LDLRAD3: variants seen among roughly 807,000 people sequenced by gnomAD.
LDLRAD3 encodes the protein low-density lipoprotein receptor class A domain-containing protein 3.
In LDLRAD3, 20 loss-of-function variants were observed where a neutral mutation model predicts 29.4. That is an observed-to-expected ratio of 0.68 (90% CI 0.48 to 0.99). LDLRAD3 has a LOEUF of 0.99. Ranked by LOEUF, LDLRAD3 falls within the 50% of genes least tolerant of loss-of-function variation. The probability of loss-of-function intolerance (pLI) is 0.00; values close to 1 mark genes in which losing one functional copy is unlikely to be tolerated. For missense variants in LDLRAD3, 420 were observed against 454.3 expected (o/e 0.92, Z 0.69); for synonymous variants, 157 against 192.7 (o/e 0.81, Z 1.53).
chr11:36,098,300 G>T lies in LDLRAD3; in HGVS notation c.320-27G>T, dbSNP rs376946994. On this transcript the variant is annotated intron_variant, in intron 3 of 5. Transcript: ENST00000315571. The stretch of plus-strand genomic sequence containing the variant: ...CCAAGGGAACTTGCTGGCCTCCCTG[G>T]TAATGTGCTGTGTTTTCCCTCTGCA... The T allele has an allele frequency of 4.3e-6, 7 of 1,612,876 alleles. No individual in the cohort carries two copies. The African/African-American group carries it at 9.3e-5, about 22-fold the overall frequency.
intron 4 of LDLRAD3, among the ~76,000 whole-genome samples, chr11:36,226,574 G>A (rs1486717701): frequency 6.6e-6 from 1 of 152,156 alleles, no homozygotes; most frequent in African/African-American, 2.4e-5. Context: ...TAAGTTTACA[G>A]TTCAGTGATT....
At chr11:36,103,113 C>G (rs1400336810) in intron 4 of LDLRAD3, among the ~76,000 whole-genome samples, 1 of 151,992 alleles carries the variant, frequency 6.6e-6, no homozygotes, top group Non-Finnish European at 1.5e-5. Context: ...AACTCTATAC[C>G]CATTAAAAAA....
chr11:36,101,384 G>C (rs1853444510), intron 4 of LDLRAD3, among the ~76,000 whole-genome samples: 2 of 152,174 alleles, frequency 1.3e-5, no homozygotes, highest in African/African-American at 4.8e-5. Flanking sequence ...AAGACTTCTT[G>C]GTAGAGTGTT....
intron 4 of LDLRAD3, among the ~76,000 whole-genome samples, chr11:36,100,734 G>A (rs1415176003): frequency 1.3e-5 from 2 of 152,176 alleles, no homozygotes; most frequent in African/African-American, 2.4e-5. Context: ...CACTGCGCCC[G>A]GCCTATACAG....
At chr11:36,146,588 G>A (rs11033464) in intron 4 of LDLRAD3, among the ~76,000 whole-genome samples, 8,706 of 152,150 alleles carry the variant, frequency 0.057, 813 homozygotes, top group African/African-American at 0.2. Flanking sequence ...AGCAGGGTTT[G>A]TTCCTTCTGC....
In LDLRAD3 at chr11:36,100,241, C is replaced by T. The variant is rs963448887; in HGVS notation, c.454+1780C>T. ...CACCTGAGAGAGGTTTATAATCCTG[C>T]CATTTGCCTAGAAATTTCCAAACTT... On this transcript the variant is annotated intron_variant, in intron 4 of 5. Transcript: ENST00000315571. Among the ~76,000 whole-genome samples, 6 of 152,234 alleles carry T rather than the reference C, an allele frequency of 3.9e-5. No individual in the cohort carries two copies. The South Asian group carries it at 1.2e-3, about 32-fold the overall frequency.
At chr11:36,117,530 G>A (rs928790684) in intron 4 of LDLRAD3, among the ~76,000 whole-genome samples, 27 of 152,186 alleles carry the variant, frequency 1.8e-4, no homozygotes, top group Admixed American at 1.5e-3. Flanking sequence ...AATGTATTTT[G>A]GATCTGAACC....
chr11:36,054,306 G>C (rs922901093), intron 2 of LDLRAD3, among the ~76,000 whole-genome samples: 6 of 152,190 alleles, frequency 3.9e-5, no homozygotes, highest in African/African-American at 1.4e-4. Context: ...AAATTACATA[G>C]GAGCAGCATT....
chr11:36,184,594 T>G (rs1354447353), intron 4 of LDLRAD3, among the ~76,000 whole-genome samples: 1 of 152,184 alleles, frequency 6.6e-6, no homozygotes, highest in Non-Finnish European at 1.5e-5. Flanking sequence ...TTCTGACAGG[T>G]TCCTAGGAGT....
chr11:36,102,215 T>C (rs962198544), intron 4 of LDLRAD3, among the ~76,000 whole-genome samples: 3 of 152,158 alleles, frequency 2.0e-5, no homozygotes, highest in African/African-American at 7.2e-5. Context: ...ACAATACTTT[T>C]TGATGCACTG....
At chr11:36,035,404 G>A (rs2133209466) in intron 1 of LDLRAD3, among the ~76,000 whole-genome samples, 1 of 152,246 alleles carries the variant, frequency 6.6e-6, no homozygotes, top group African/African-American at 2.4e-5. Flanking sequence ...TGGCTGTTCG[G>A]GTTGGGGGCT....
Position 36,016,853 on chromosome 11 carries a change from G to A in LDLRAD3, c.47-19250G>A, listed in dbSNP as rs1468499864. On this transcript the variant is annotated intron_variant, in intron 1 of 5. Coordinates refer to ENST00000315571, the MANE Select transcript of LDLRAD3 (RefSeq NM_174902.4). ...TGTGGCTATTCTTCCGTGTCAGTAC[G>A]TTCTAACTCCTGAATTCTTTTTAAA... Among the ~76,000 whole-genome samples the A allele has an allele frequency of 3.9e-5, 6 of 152,142 alleles. No individual in the cohort carries two copies. In the East Asian group the frequency reaches 9.6e-4, roughly 24 times the overall value.
intron 1 of LDLRAD3, among the ~76,000 whole-genome samples, chr11:35,987,285 A>T (rs1590707225): frequency 1.3e-5 from 2 of 152,156 alleles, no homozygotes; most frequent in African/African-American, 4.8e-5. Context: ...GATACAGGGG[A>T]TACCTGTGCA....
At chr11:35,950,856 G>A (rs146442427) in intron 1 of LDLRAD3, among the ~76,000 whole-genome samples, 1,555 of 152,244 alleles carry the variant, frequency 0.01, 28 homozygotes, top group African/African-American at 0.035. Flanking sequence ...GGCCGAGGTG[G>A]GCGGATCACG....
chr11:35,985,646 C>CA (rs1554954242), intron 1 of LDLRAD3, among the ~76,000 whole-genome samples: 3 of 152,078 alleles, frequency 2.0e-5, no homozygotes, highest in African/African-American at 7.2e-5. Context: ...AACTGAATCA[C>CA]GGGGGCAGGT....
intron 4 of LDLRAD3, among the ~76,000 whole-genome samples, chr11:36,150,740 G>A (rs1462366725): frequency 6.6e-6 from 1 of 151,948 alleles, no homozygotes; most frequent in Non-Finnish European, 1.5e-5. Flanking sequence ...GGGCAACAGA[G>A]CAAGACTCTG....
chr11:35,989,662 G>A (rs1043373844), intron 1 of LDLRAD3, among the ~76,000 whole-genome samples: 27 of 152,008 alleles, frequency 1.8e-4, no homozygotes, highest in African/African-American at 6.5e-4. Context: ...ATTTTTTGTG[G>A]CTATTATAAA....
chr11:35,995,523 G>A (rs1369361237), intron 1 of LDLRAD3, among the ~76,000 whole-genome samples: 1 of 152,198 alleles, frequency 6.6e-6, no homozygotes, highest in Non-Finnish European at 1.5e-5. Flanking sequence ...AAGTAAATGA[G>A]TATTCACTTC....
chr11:35,997,970 C>T (rs965009561), intron 1 of LDLRAD3, among the ~76,000 whole-genome samples: 2 of 152,156 alleles, frequency 1.3e-5, no homozygotes, highest in African/African-American at 4.8e-5. Flanking sequence ...GGGCACTGGG[C>T]CTTTGCTGCC....
Sources: gnomAD v4.1 joint callset for allele counts (sites outside exome capture counted in the v4.1 genomes callset) on GRCh38, gnomAD v4.1.1 for gene constraint, MANE v1.5 for transcripts, NCBI Gene and HGNC (gene_info 2026-07-23, HGNC 2026-07-21) for gene names.